AOX1: variants seen among roughly 807,000 people sequenced by gnomAD.
AOX1 encodes aldehyde oxidase 1.
Under a neutral mutation model 169.5 loss-of-function variants are expected in AOX1, and 153 were observed. The ratio of observed to expected loss-of-function variants is 0.90; its 90% CI spans 0.79 to 1.03. AOX1 has a LOEUF of 1.03. AOX1 is among the 50% of genes least tolerant of loss of function. The probability of loss-of-function intolerance (pLI) is 0.00; values close to 1 mark genes in which losing one functional copy is unlikely to be tolerated. For missense variants in AOX1, 1,656 were observed against 1,663.9 expected, an observed-to-expected ratio of 1.00 and a Z score of 0.08; for synonymous variants, 562 against 581.9, an observed-to-expected ratio of 0.97 and a Z score of 0.49.
chr2:200,622,300 G>A (rs756556364), intron 18 of AOX1, among the ~76,000 whole-genome samples: 1 of 152,200 alleles, frequency 6.6e-6, no homozygotes, highest in Non-Finnish European at 1.5e-5. Context: ...TTCTCACATT[G>A]CAGGGTGAAT....
Position 200,605,602 on chromosome 2 carries a change from T to G in AOX1, c.881T>G (p.Leu294Arg). 1 of 1,564,010 alleles carries G rather than the reference T, an allele frequency of 6.4e-7. No homozygotes were observed. The highest frequency in any genetic ancestry group is 2.3e-5 in the East Asian group (1 of 42,876). ...VIISPDRIEE[L>R]SVVNHAYNGL... ...ATTTCTCCTGATAGAATTGAAGAAC[T>G]GAGTGTTGTAAACCATGCATATAAT... The change falls in exon 10 of 35, where the codon CTG becomes CGG. Residue 294 changes from leucine to arginine, a missense_variant. Coordinates refer to ENST00000374700, the MANE Select transcript of AOX1 (RefSeq NM_001159.4).
At chr2:200,676,597 CT>C (rs2036101627) in intron 4 of AOX1, among the ~76,000 whole-genome samples, 2 of 103,166 alleles carry the variant, frequency 1.9e-5, no homozygotes, top group Admixed American at 1.1e-4. Context: ...GAGACTACAT[CT>C]CAAAAAAAAA....
At chr2:200,643,829 A>C (rs2035401980) in intron 25 of AOX1, among the ~76,000 whole-genome samples, 1 of 152,096 alleles carries the variant, frequency 6.6e-6, no homozygotes. Flanking sequence ...ACATTTTTTC[A>C]TATTTTTGTT....
chr2:200,671,779 T>C (rs1212812731), downstream of AOX1, among the ~76,000 whole-genome samples: 1 of 152,148 alleles, frequency 6.6e-6, no homozygotes, highest in Non-Finnish European at 1.5e-5. Flanking sequence ...ATAGTTAACA[T>C]AGAAGTTAAA....
chr2:200,618,958 A>G (rs2247553), intron 16 of AOX1, among the ~76,000 whole-genome samples: 148,081 of 152,298 alleles, frequency 0.97, 72,130 homozygotes, highest in East Asian at 1. Context: ...GGACCAGGGC[A>G]GACTTTGAAA....
At chr2:200,649,211 A>G (rs879506438) in intron 25 of AOX1, among the ~76,000 whole-genome samples, 3 of 93,464 alleles carry the variant, frequency 3.2e-5, no homozygotes, top group East Asian at 3.4e-4. Flanking sequence ...CGCCCCCACC[A>G]TGGATCCCTG....
intron 1 of AOX1, chr2:200,588,157 T>C (rs538266383): frequency 1.3e-5 from 2 of 152,604 alleles, no homozygotes; most frequent in African/African-American, 4.8e-5. Context: ...TGTTTTGGCC[T>C]GTCTGAAAGG....
chr2:200,613,852 T>C lies in AOX1; in HGVS notation c.1497T>C (p.Asn499=), dbSNP rs778010282. The C allele has an allele frequency of 1.2e-6, 2 of 1,612,718 alleles. No homozygotes were observed. The highest frequency in any genetic ancestry group is 2.7e-5 in the African/African-American group (2 of 75,006). ...ATATAGCCTGCAGGCTTATTCTGAATGAAGTCTCCCTTTTGGGCTCGGCGC... is the reference window on the plus strand; with the variant it reads ...ATATAGCCTGCAGGCTTATTCTGAACGAAGTCTCCCTTTTGGGCTCGGCGC... ...MLDIACRLIL[N]EVSLLGSAPG... The change falls in exon 15 of 35, where the codon AAT becomes AAC. Residue 499 remains asparagine, a synonymous_variant. Transcript: ENST00000374700.
At chr2:200,673,222 GGT>G (rs2036052156), downstream of AOX1, among the ~76,000 whole-genome samples, 1 of 152,242 alleles carries the variant, frequency 6.6e-6, no homozygotes, top group South Asian at 2.1e-4. Flanking sequence ...CTGCCTGGTG[GGT>G]GGCTGCCTTT....
chr2:200,618,957 C>T (rs971644828), intron 16 of AOX1, among the ~76,000 whole-genome samples: 3 of 152,136 alleles, frequency 2.0e-5, no homozygotes, highest in African/African-American at 4.8e-5. Context: ...TGGACCAGGG[C>T]AGACTTTGAA....
chr2:200,676,898 C>T (rs11678615), exon 5 of AOX1: 40,613 of 470,546 alleles, frequency 0.086, 2,147 homozygotes, highest in African/African-American at 0.16. Flanking sequence ...GCAAGCCTGT[C>T]AGGCGGACAC....
chr2:200,603,167 T>C, intron 6 of AOX1, 100 bp from the exon 7 acceptor site: 1 of 905,092 alleles, frequency 1.1e-6, no homozygotes, highest in African/African-American at 1.7e-5. Context: ...CATCTAACGA[T>C]ATTGATTCAG....
chr2:200,670,548 A>T, intron 34 of AOX1, 81 bp from the exon 35 acceptor site: 1 of 1,239,456 alleles, frequency 8.1e-7, no homozygotes. Context: ...CTGGTGTTTA[A>T]CCTACTTTAT....
rs370741447 is a variant in AOX1, at chr2:200,587,138, C to CA, written c.45+994dup. On this transcript the variant is annotated intron_variant, in intron 1 of 34. Transcript: ENST00000374700. ...ACCAAACAAAACAAAACAACAACAA[C>CA]AAAAAAAAACCGGTGTGGTGGTGCG... Among the ~76,000 whole-genome samples the CA allele has an allele frequency of 4.1e-3, 618 of 150,276 alleles. 9 individuals carry two copies. Among genetic ancestry groups the CA allele is most frequent in the African/African-American group, 0.013 (542 of 40,888 alleles).
At chr2:200,589,921 G>A (rs1344545580) in intron 1 of AOX1, among the ~76,000 whole-genome samples, 1 of 152,150 alleles carries the variant, frequency 6.6e-6, no homozygotes, top group Non-Finnish European at 1.5e-5. Context: ...GGAGAAGGTG[G>A]AGGCACCTTA....
chr2:200,639,852 C>T (rs552853529), intron 23 of AOX1, among the ~76,000 whole-genome samples: 5 of 151,658 alleles, frequency 3.3e-5, no homozygotes, highest in Non-Finnish European at 5.9e-5. Context: ...CTGGGCAACA[C>T]GGTGAAACCC....
At chr2:200,655,386 C>T (rs1412836417) in intron 26 of AOX1, among the ~76,000 whole-genome samples, 1 of 152,054 alleles carries the variant, frequency 6.6e-6, no homozygotes, top group Non-Finnish European at 1.5e-5. Context: ...GAAAACTCTT[C>T]CTTACCTTTA....
intron 4 of AOX1, among the ~76,000 whole-genome samples, chr2:200,599,084 G>A (rs1015672110): frequency 6.6e-6 from 1 of 152,166 alleles, no homozygotes; most frequent in African/African-American, 2.4e-5. Context: ...TTCCAAAATC[G>A]ACTTGAACCT....
intron 5 of AOX1, 81 bp from the exon 6 acceptor site, chr2:200,602,203 T>G: frequency 9.0e-7 from 1 of 1,113,550 alleles, no homozygotes; most frequent in Non-Finnish European, 1.4e-6. Flanking sequence ...TATGATAGGG[T>G]CCTCATTTCC....
Sources: gnomAD v4.1 joint callset for allele counts (sites outside exome capture counted in the v4.1 genomes callset) on GRCh38, gnomAD v4.1.1 for gene constraint, MANE v1.5 for transcripts, NCBI Gene and HGNC (gene_info 2026-07-23, HGNC 2026-07-21) for gene names.